Variants in WIPI2 observed in about 807,000 individuals in gnomAD.
The protein encoded by WIPI2 is WD repeat domain, phosphoinositide interacting 2.
A neutral mutation model predicts 52.3 loss-of-function variants in WIPI2; 28 were observed. The ratio of observed to expected loss-of-function variants is 0.54; its 90% CI spans 0.40 to 0.73. The LOEUF (loss-of-function observed/expected upper bound fraction) is 0.73. Among genes scored for constraint, WIPI2 ranks in the 30% least tolerant of loss-of-function variants. The pLI is 0.00. For missense variants in WIPI2, 506 were observed against 602.9 expected (o/e 0.84, Z 1.68); for synonymous variants, 268 against 245.0 (o/e 1.09, Z -0.88).
chr7:5,211,634 C>T (rs967826719), intron 3 of WIPI2, among the ~76,000 whole-genome samples: 14 of 152,174 alleles, frequency 9.2e-5, no homozygotes, highest in African/African-American at 3.4e-4. Context: ...TTCTTTTCAC[C>T]ACTGATTGGA....
At chr7:5,209,516 C>A (rs1443012867) in intron 3 of WIPI2, among the ~76,000 whole-genome samples, 1 of 152,196 alleles carries the variant, frequency 6.6e-6, no homozygotes, top group African/African-American at 2.4e-5. Context: ...TGCATTTTCT[C>A]ATGCTTTTTC....
Position 5,222,613 on chromosome 7 carries a change from T to A in WIPI2, c.681T>A (p.Ile227=), listed in dbSNP as rs746290230. The stretch of plus-strand genomic sequence containing the variant: ...TTTTCCTTCCACAGGGGACCGTGAT[T>A]AGGGTATTTTCCATTCCAGAAGGAC... ...LATASEKGTV[I]RVFSIPEGQK... Residue 227 remains isoleucine, a synonymous_variant, in exon 8 of 13, where the codon ATT becomes ATA. Coordinates refer to ENST00000288828, the MANE Select transcript of WIPI2 (RefSeq NM_015610.4). The A allele has an allele frequency of 6.2e-6, 10 of 1,613,784 alleles. No homozygotes were observed. The Admixed American group carries it at 1.0e-4, about 16-fold the overall frequency.
At chr7:5,197,664 T>C (rs1295583628) in intron 2 of WIPI2, among the ~76,000 whole-genome samples, 1 of 152,204 alleles carries the variant, frequency 6.6e-6, no homozygotes, top group Non-Finnish European at 1.5e-5. Flanking sequence ...ATACATTTCT[T>C]CCACATACGT....
chr7:5,204,303 C>T (rs529652502), intron 3 of WIPI2, among the ~76,000 whole-genome samples: 20 of 152,254 alleles, frequency 1.3e-4, no homozygotes, highest in African/African-American at 4.8e-4. Flanking sequence ...CGCGCCTCTA[C>T]TAAAAATATA....
chr7:5,216,283 T>C (rs772097766), intron 4 of WIPI2: 154 of 271,498 alleles, frequency 5.7e-4, no homozygotes, highest in Non-Finnish European at 9.4e-4. Flanking sequence ...AATACAAAAA[T>C]TAGCCAGGCC....
At position 5,222,098 on chromosome 7, in the gene WIPI2, C is replaced by T. The variant is rs892651282; in HGVS notation, c.670-504C>T. Reference sequence around the variant, plus strand: ...CCGAGTAGTTGGGATTACAGGCATGCGCCACCACACCCAGCTAATTTTGTA... The same window carrying T: ...CCGAGTAGTTGGGATTACAGGCATGTGCCACCACACCCAGCTAATTTTGTA... On this transcript the variant is annotated intron_variant, in intron 7 of 12. Coordinates refer to ENST00000288828, the MANE Select transcript of WIPI2 (RefSeq NM_015610.4). Among the ~76,000 whole-genome samples, 15 of 152,096 alleles carry T rather than the reference C, an allele frequency of 9.9e-5. No individual in the cohort carries two copies. In the South Asian group the frequency reaches 1.2e-3, roughly 13 times the overall value.
At chr7:5,210,910 A>T (rs188378007) in intron 3 of WIPI2, among the ~76,000 whole-genome samples, 12 of 151,726 alleles carry the variant, frequency 7.9e-5, no homozygotes, top group African/African-American at 1.5e-4. Flanking sequence ...CTAACATTGA[A>T]CTCGCGGCTC....
Position 5,217,118 on chromosome 7 carries a change from C to A in WIPI2, c.507C>A (p.Asp169Glu). Residue 169 changes from aspartate to glutamate, a missense_variant, in exon 6 of 13, where the codon GAC becomes GAA. By Grantham distance (45) the Asp-to-Glu change is conservative. This residue lies in a region of WIPI2 where 237 missense variants were observed against 346.9 expected (regional missense o/e 0.68). Coordinates refer to ENST00000288828, the MANE Select transcript of WIPI2 (RefSeq NM_015610.4). ...TGTGTGCGCTGTCAATCAACAACGA[C>A]AACTGCTACTTGGCGTACCCAGGGA... is the stretch of plus-strand genomic sequence containing the variant. The part of the protein sequence containing the change: ...AGLCALSINN[D>E]NCYLAYPGSA... 2 of 1,613,752 alleles carry A rather than the reference C, an allele frequency of 1.2e-6. No homozygotes were observed. The highest frequency in any genetic ancestry group is 1.1e-5 in the South Asian group (1 of 91,066).
In WIPI2 at chr7:5,199,924, T is replaced by C. The variant is rs903488163; in HGVS notation, c.211+266T>C. Among the ~76,000 whole-genome samples, 13 of 152,238 alleles carry C rather than the reference T, an allele frequency of 8.5e-5. No individual in the cohort carries two copies. In the South Asian group the frequency reaches 2.5e-3, roughly 29 times the overall value. On this transcript the variant is annotated intron_variant, in intron 3 of 12. Coordinates refer to ENST00000288828, the MANE Select transcript of WIPI2 (RefSeq NM_015610.4). ...CTTCAGTACATGAGCACATACCATG[T>C]GTACTGGTCTGTAACTTCTCTCCCT... is the stretch of plus-strand genomic sequence containing the variant.
At chr7:5,220,992 C>T (rs1202312207) in intron 7 of WIPI2, among the ~76,000 whole-genome samples, 3 of 128,256 alleles carry the variant, frequency 2.3e-5, no homozygotes, top group Non-Finnish European at 4.7e-5. Flanking sequence ...GAGACGGAGT[C>T]TTGCTGTGTC....
intron 4 of WIPI2, among the ~76,000 whole-genome samples, chr7:5,214,953 C>T (rs1201663144): frequency 6.6e-6 from 1 of 152,228 alleles, no homozygotes; most frequent in African/African-American, 2.4e-5. Flanking sequence ...CGGCCCCACC[C>T]AGAGGGTGGA....
chr7:5,232,376 CA>C lies in WIPI2; in HGVS notation c.*1432del, dbSNP rs1783765531. ...CAGTGTTCCTGGGTTGGCTTTACGG[CA>C]AACTAAATGCAGGGGACGCTGGAGT... On this transcript the variant is annotated 3_prime_UTR_variant, in exon 13 of 13. Coordinates refer to ENST00000288828, the MANE Select transcript of WIPI2 (RefSeq NM_015610.4). 2 of 398,442 alleles carry C rather than the reference CA, an allele frequency of 5.0e-6. No individual in the cohort carries two copies. Among genetic ancestry groups the C allele is most frequent in the Non-Finnish European group, 8.8e-6 (2 of 226,096 alleles). 24.7% of individuals were successfully genotyped at this position (398,442 alleles called of 1,614,324 possible).
intron 2 of WIPI2, chr7:5,193,440 T>C: frequency 1.0e-6 from 1 of 961,846 alleles, no homozygotes; most frequent in Non-Finnish European, 1.4e-6. Context: ...GTTTGTAGAA[T>C]TGATGTTATG....
At chr7:5,199,761 C>T (rs902652320) in intron 3 of WIPI2, 103 bp downstream of exon 3, 31 of 1,148,088 alleles carry the variant, frequency 2.7e-5, no homozygotes, top group Non-Finnish European at 3.8e-5. Flanking sequence ...GAAGTCCAGA[C>T]ACCCTCTTAC....
chr7:5,217,313 G>C (rs766970387), intron 6 of WIPI2, 126 bp downstream of exon 6: 1 of 1,013,826 alleles, frequency 9.9e-7, no homozygotes, highest in African/African-American at 1.6e-5. Flanking sequence ...TTGTTTGTTT[G>C]TTTGTTTTTG....
chr7:5,217,902 T>C lies in WIPI2; in HGVS notation c.577-20T>C. ...CGGTCACTGTGCGGTGGCCACTCTT[T>C]ATTGGTGTCCCTTTTTCAGAGAGCT... is the stretch of plus-strand genomic sequence containing the variant. On this transcript the variant is annotated intron_variant, in intron 6 of 12. Transcript: ENST00000288828. The C allele has an allele frequency of 1.2e-6, 2 of 1,613,864 alleles. No homozygotes were observed.
chr7:5,191,530 G>C (rs2115185797), intron 1 of WIPI2, among the ~76,000 whole-genome samples: 1 of 152,262 alleles, frequency 6.6e-6, no homozygotes, highest in Non-Finnish European at 1.5e-5. Flanking sequence ...TCGGAACGCT[G>C]TTTGTCCCCA....
chr7:5,207,732 T>C (rs1232736978), intron 3 of WIPI2, among the ~76,000 whole-genome samples: 1 of 151,988 alleles, frequency 6.6e-6, no homozygotes, highest in East Asian at 1.9e-4. Flanking sequence ...CTGTCAGTGC[T>C]GTATGAGAGT....
intron 3 of WIPI2, 47 bp from the exon 4 acceptor site, chr7:5,214,488 T>C: frequency 6.2e-7 from 1 of 1,614,148 alleles, no homozygotes; most frequent in South Asian, 1.1e-5. Flanking sequence ...CCTGTGGCCA[T>C]AGCCATGTGG....
Sources: allele counts gnomAD v4.1 joint callset (sites outside exome capture counted in the v4.1 genomes callset), GRCh38; gene constraint gnomAD v4.1.1; regional missense constraint gnomAD v4.1.1; transcripts MANE v1.5; gene names NCBI Gene and HGNC (gene_info 2026-07-23, HGNC 2026-07-21).